SLC38A9: variants seen among roughly 807,000 people sequenced by gnomAD.
SLC38A9 encodes the protein neutral amino acid transporter 9.
In SLC38A9, 48 loss-of-function variants were observed where a neutral mutation model predicts 62.3. The ratio of observed to expected loss-of-function variants is 0.77; its 90% CI spans 0.61 to 0.98. The LOEUF (loss-of-function observed/expected upper bound fraction) is 0.98. Among genes scored for constraint, SLC38A9 ranks in the 50% least tolerant of loss-of-function variants. SLC38A9 has a pLI of 0.00. For missense variants in SLC38A9, 541 were observed against 679.8 expected (o/e 0.80, Z 2.27); for synonymous variants, 204 against 227.7 (o/e 0.90, Z 0.94).
At chr5:55,706,335 T>C (rs2150720678) in intron 2 of SLC38A9, among the ~76,000 whole-genome samples, 1 of 152,374 alleles carries the variant, frequency 6.6e-6, no homozygotes, top group African/African-American at 2.4e-5. Context: ...GTTCCTAAAC[T>C]AAACTGAGAA....
chr5:55,701,897 C>T (rs1460893340), intron 2 of SLC38A9, among the ~76,000 whole-genome samples: 1 of 152,172 alleles, frequency 6.6e-6, no homozygotes, highest in Non-Finnish European at 1.5e-5. Flanking sequence ...AGAGCCTGTT[C>T]TCTTTACCAC....
intron 8 of SLC38A9, among the ~76,000 whole-genome samples, chr5:55,663,945 T>TA (rs1750039432): frequency 1.3e-5 from 2 of 152,274 alleles, no homozygotes; most frequent in East Asian, 3.9e-4. Context: ...CTGCTAAACA[T>TA]ATATTAAACT....
chr5:55,656,843 C>A (rs1415822161), intron 8 of SLC38A9, 69 bp from the exon 9 acceptor site: 45 of 682,888 alleles, frequency 6.6e-5, no homozygotes, highest in South Asian at 9.8e-5. Context: ...CCTTTAAGGT[C>A]TTTTATTTAT....
chr5:55,673,342 T>C (rs1344978914), intron 3 of SLC38A9: 1 of 152,232 alleles, frequency 6.6e-6, no homozygotes, highest in South Asian at 2.1e-4. Flanking sequence ...CACGTCTGCA[T>C]CCTAATCAAC....
chr5:55,687,065 G>GTTTTTTTTTTTTTTTTTTTTTTT (rs56912932), intron 3 of SLC38A9, among the ~76,000 whole-genome samples: 1 of 125,706 alleles, frequency 8.0e-6, no homozygotes, highest in Non-Finnish European at 1.7e-5. Flanking sequence ...CTCCAGCTTT[G>GTTTTTTTTTTTTTTTTTTTTTTT]TTTTTTTTTT....
At chr5:55,678,762 G>A (rs1296905345) in intron 3 of SLC38A9, among the ~76,000 whole-genome samples, 2 of 141,720 alleles carry the variant, frequency 1.4e-5, no homozygotes, top group East Asian at 4.5e-4. Flanking sequence ...CTGGGCTCAA[G>A]TAATCCTCCT....
intron 8 of SLC38A9, among the ~76,000 whole-genome samples, chr5:55,658,508 T>C (rs151135120): frequency 6.6e-6 from 1 of 152,180 alleles, no homozygotes; most frequent in African/African-American, 2.4e-5. Flanking sequence ...AAGAAGGCCA[T>C]GTGAAGATGG....
chr5:55,630,853 T>TTTTTTTAC (rs1743313634), intron 14 of SLC38A9, among the ~76,000 whole-genome samples: 1 of 152,104 alleles, frequency 6.6e-6, no homozygotes, highest in South Asian at 2.1e-4. Context: ...AATACTTTGC[T>TTTTTTTAC]GGGCACGGTG....
In SLC38A9 at chr5:55,709,404, C is replaced by T. The variant is rs115731503; in HGVS notation, c.-35+2048G>A. Among the ~76,000 whole-genome samples, 398 of 151,760 alleles carry T rather than the reference C, an allele frequency of 2.6e-3. 2 individuals carry two copies. The highest frequency in any genetic ancestry group is 9.1e-3 in the African/African-American group (378 of 41,394). The stretch of plus-strand genomic sequence containing the variant: ...TGATTTTTTTTTTTTAACTTTTAAG[C>T]CCATATATACTTTTTAAAAAATACC... On this transcript the variant is annotated intron_variant, in intron 2 of 15. Coordinates refer to ENST00000396865, the MANE Select transcript of SLC38A9 (RefSeq NM_173514.4).
In SLC38A9 at chr5:55,639,272, T is replaced by TTAAAAAAAAAAAAA. The variant is rs1391586466; in HGVS notation, c.1168-3616_1168-3615insTTTTTTTTTTTTTA. The stretch of plus-strand genomic sequence containing the variant: ...TGGGCAACAAGAACGAAACTCTGTC[T>TTAAAAAAAAAAAAA]AAAAAAAAAAAAAAAAAAAAAAGAA... On this transcript the variant is annotated intron_variant, in intron 12 of 15. Coordinates refer to ENST00000396865, the MANE Select transcript of SLC38A9 (RefSeq NM_173514.4). Among the ~76,000 whole-genome samples the TTAAAAAAAAAAAAA allele has an allele frequency of 2.0e-3, 112 of 54,642 alleles. 1 individual carries two copies. The highest frequency in any genetic ancestry group is 7.4e-3 in the African/African-American group (108 of 14,604). 35.8% of individuals were successfully genotyped at this position (54,642 alleles called of 152,430 possible).
intron 9 of SLC38A9, among the ~76,000 whole-genome samples, chr5:55,655,118 G>A (rs1748171870): frequency 6.6e-6 from 1 of 152,170 alleles, no homozygotes; most frequent in East Asian, 1.9e-4. Flanking sequence ...AGAATCAAAA[G>A]CGTGAGCCAC....
At chr5:55,640,840 G>GTA in intron 12 of SLC38A9, among the ~76,000 whole-genome samples, 1 of 152,212 alleles carries the variant, frequency 6.6e-6, no homozygotes. Context: ...AGTAAAATAT[G>GTA]TATATATATT....
chr5:55,633,720 G>T, intron 14 of SLC38A9, 34 bp downstream of exon 14: 2 of 1,613,556 alleles, frequency 1.2e-6, no homozygotes, highest in Non-Finnish European at 1.7e-6. Flanking sequence ...TTTGTTGCTT[G>T]GCACATCCTG....
chr5:55,701,164 T>C (rs1756599444), intron 2 of SLC38A9, among the ~76,000 whole-genome samples: 1 of 152,196 alleles, frequency 6.6e-6, no homozygotes, highest in Non-Finnish European at 1.5e-5. Flanking sequence ...ATAAACATTT[T>C]TCCATCATTG....
intron 12 of SLC38A9, among the ~76,000 whole-genome samples, chr5:55,641,363 A>C (rs1745424763): frequency 6.6e-6 from 1 of 152,126 alleles, no homozygotes; most frequent in Non-Finnish European, 1.5e-5. Context: ...TGTGCTTTCA[A>C]TGTTGTGAGA....
At chr5:55,672,082 G>T (rs1751423019) in intron 4 of SLC38A9, among the ~76,000 whole-genome samples, 1 of 152,036 alleles carries the variant, frequency 6.6e-6, no homozygotes, top group Non-Finnish European at 1.5e-5. Context: ...GAACCCCTGG[G>T]CTCAAGTGAT....
intron 7 of SLC38A9, 142 bp from the exon 8 acceptor site, chr5:55,665,005 T>C (rs1223354696): frequency 9.6e-6 from 4 of 414,520 alleles, no homozygotes; most frequent in Non-Finnish European, 1.7e-5. Context: ...TATTATAAGA[T>C]AATAAAATTA....
At chr5:55,638,410 C>A (rs1423211055) in intron 12 of SLC38A9, among the ~76,000 whole-genome samples, 1 of 152,002 alleles carries the variant, frequency 6.6e-6, no homozygotes, top group Non-Finnish European at 1.5e-5. Flanking sequence ...GAGACACAAG[C>A]GACAATATAA....
At chr5:55,691,204 A>T in intron 3 of SLC38A9, 1 of 929,160 alleles carries the variant, frequency 1.1e-6, no homozygotes, top group Non-Finnish European at 1.7e-6. Flanking sequence ...TCTCCATGTT[A>T]AAATGCAAAT....
Sources: allele counts gnomAD v4.1 joint callset (sites outside exome capture counted in the v4.1 genomes callset), GRCh38; gene constraint gnomAD v4.1.1; transcripts MANE v1.5; gene names NCBI Gene and HGNC (gene_info 2026-07-23, HGNC 2026-07-21).